The following ZFAT variants were observed in gnomAD, a reference collection of about 807,000 sequenced individuals.
The protein encoded by ZFAT is zinc finger and AT-hook domain containing, also known as zinc finger protein ZFAT.
ZFAT carries 64 observed loss-of-function variants against 117.7 expected under a neutral mutation model. That is an observed-to-expected ratio of 0.54 (90% confidence interval 0.44 to 0.67). The LOEUF is 0.67. ZFAT is among the 30% of genes least tolerant of loss of function. The probability of loss-of-function intolerance (pLI) is 0.00; values close to 1 mark genes in which losing one functional copy is unlikely to be tolerated. For synonymous variants in ZFAT, 679 were observed against 615.0 expected, an observed-to-expected ratio of 1.10 and a Z score of -1.54; for missense variants, 1,433 against 1,584.5, an observed-to-expected ratio of 0.90 and a Z score of 1.62.
At chr8:134,746,367 G>T in the ZFAT span, among the ~76,000 whole-genome samples, 2 of 152,176 alleles carry the variant, frequency 1.3e-5, no homozygotes, top group Non-Finnish European at 2.9e-5. Context: ...AAGACTGTTT[G>T]TGCTATGTCT....
chr8:134,788,907 G>GT, the ZFAT span, among the ~76,000 whole-genome samples: 669 of 150,384 alleles, frequency 4.4e-3, 1 homozygote, highest in Admixed American at 8.4e-3. Flanking sequence ...GGTTTGCTGT[G>GT]TTTTTTTTTC....
the ZFAT span, among the ~76,000 whole-genome samples, chr8:134,748,592 G>A: frequency 6.6e-6 from 1 of 152,122 alleles, no homozygotes; most frequent in Non-Finnish European, 1.5e-5. Context: ...ATGTACGTAT[G>A]AGTATCTCTA....
At chr8:134,499,809 G>A (rs1387996698) in intron 15 of ZFAT, among the ~76,000 whole-genome samples, 1 of 152,206 alleles carries the variant, frequency 6.6e-6, no homozygotes, top group Non-Finnish European at 1.5e-5. Flanking sequence ...GACATTTGAG[G>A]CCCCTTGTGA....
chr8:134,483,428 T>G (rs933912447), intron 15 of ZFAT, among the ~76,000 whole-genome samples: 1 of 152,222 alleles, frequency 6.6e-6, no homozygotes. Context: ...ATGTTATGGG[T>G]TGATATGATT....
upstream of ZFAT, among the ~76,000 whole-genome samples, chr8:134,713,259 A>G (rs1239699493): frequency 2.6e-5 from 4 of 152,188 alleles, no homozygotes; most frequent in Non-Finnish European, 5.9e-5. Context: ...TCTCGGGGTC[A>G]GGAGTCTGGC....
intron 12 of ZFAT, among the ~76,000 whole-genome samples, chr8:134,528,992 C>T (rs562928174): frequency 1.9e-4 from 29 of 152,124 alleles, no homozygotes; most frequent in Non-Finnish European, 3.8e-4. Context: ...AACTTACTGT[C>T]GGCACTCTCT....
intron 11 of ZFAT, among the ~76,000 whole-genome samples, chr8:134,538,344 A>T (rs1042159553): frequency 3.5e-4 from 54 of 152,220 alleles, no homozygotes; most frequent in African/African-American, 1.3e-3. Flanking sequence ...GGACCTGGCA[A>T]CCAGGGGGTG....
chr8:134,660,655 A>C (rs776690359), intron 1 of ZFAT, among the ~76,000 whole-genome samples: 3 of 152,254 alleles, frequency 2.0e-5, no homozygotes, highest in Admixed American at 6.5e-5. Flanking sequence ...TTATTTCCCA[A>C]TACCTGTAAG....
At chr8:134,634,918 G>C (rs1393924469) in intron 3 of ZFAT, among the ~76,000 whole-genome samples, 1 of 152,132 alleles carries the variant, frequency 6.6e-6, no homozygotes, top group East Asian at 1.9e-4. Flanking sequence ...GGGTGGTTTG[G>C]GGATGAAACT....
the ZFAT span, among the ~76,000 whole-genome samples, chr8:134,790,872 A>T: frequency 3.9e-5 from 6 of 152,138 alleles, no homozygotes; most frequent in African/African-American, 7.2e-5. Context: ...AAAACTAGCC[A>T]GGCAAGGTGG....
chr8:134,813,836 ACACG>A, the ZFAT span, among the ~76,000 whole-genome samples: 7 of 148,984 alleles, frequency 4.7e-5, no homozygotes, highest in African/African-American at 1.8e-4. Context: ...ACACACACAC[ACACG>A]TCAAAGATAC....
the ZFAT span, chr8:134,796,839 G>A: frequency 1.3e-5 from 2 of 152,092 alleles, no homozygotes; most frequent in Non-Finnish European, 2.9e-5. Context: ...TTTGCTTAAT[G>A]TTTTAGTTTA....
intron 1 of ZFAT, among the ~76,000 whole-genome samples, chr8:134,709,387 T>A (rs963901801): frequency 1.3e-5 from 2 of 152,076 alleles, no homozygotes; most frequent in Non-Finnish European, 2.9e-5. Flanking sequence ...GGGACTGGGG[T>A]CCCAAGGGTT....
At chr8:134,676,702 C>A (rs1002001657) in intron 1 of ZFAT, among the ~76,000 whole-genome samples, 1 of 152,172 alleles carries the variant, frequency 6.6e-6, no homozygotes. Flanking sequence ...GGAAGTAAAA[C>A]ACTCCTCAGC....
intron 11 of ZFAT, among the ~76,000 whole-genome samples, chr8:134,535,611 T>TTGTGCCGCACCGCATGTGCTG (rs1821778409): frequency 6.6e-6 from 1 of 151,666 alleles, no homozygotes; most frequent in Non-Finnish European, 1.5e-5. Context: ...ACCGGATGCT[T>TTGTGCCGCACCGCATGTGCTG]TGTGCCGCAC....
rs554186124 is a variant in ZFAT, at chr8:134,665,894, G to A, written c.20-8157C>T. Among the ~76,000 whole-genome samples, 7 of 152,304 alleles carry A rather than the reference G, an allele frequency of 4.6e-5. 1 individual carries two copies. The South Asian group carries it at 1.5e-3, about 32-fold the overall frequency. Reference sequence around the variant, plus strand: ...CCTGCAGGCTGGGCTTGACACAGAAGGACGGCAGAGGAGGGAGCTGGTATT... The same window carrying A: ...CCTGCAGGCTGGGCTTGACACAGAAAGACGGCAGAGGAGGGAGCTGGTATT... On this transcript the variant is annotated intron_variant, in intron 1 of 15. Transcript: ENST00000377838.
chr8:134,654,163 T>C (rs985928799), intron 2 of ZFAT, among the ~76,000 whole-genome samples: 3 of 151,976 alleles, frequency 2.0e-5, no homozygotes, highest in African/African-American at 7.2e-5. Context: ...GGTGTGGTGA[T>C]GGACACCTGT....
chr8:134,684,052 T>C (rs921619699), intron 1 of ZFAT, among the ~76,000 whole-genome samples: 4 of 151,970 alleles, frequency 2.6e-5, no homozygotes, highest in Non-Finnish European at 5.9e-5. Context: ...CTTGGGTGAC[T>C]AGGGGAAAGC....
At chr8:134,831,947 G>A in the ZFAT span, among the ~76,000 whole-genome samples, 1 of 151,478 alleles carries the variant, frequency 6.6e-6, no homozygotes, top group Non-Finnish European at 1.5e-5. Flanking sequence ...TGTCCTCTCC[G>A]CTCCGGACGC....
Sources: gnomAD v4.1 joint callset for allele counts (sites outside exome capture counted in the v4.1 genomes callset) on GRCh38, gnomAD v4.1.1 for gene constraint, MANE v1.5 for transcripts, NCBI Gene and HGNC (gene_info 2026-07-23, HGNC 2026-07-21) for gene names.